Variants in ARIH2 observed in about 807,000 individuals in gnomAD.
The protein encoded by ARIH2 is E3 ubiquitin-protein ligase ARIH2.
Under a neutral mutation model 79.8 loss-of-function variants are expected in ARIH2, and 12 were observed. That is an observed-to-expected ratio of 0.15 (90% CI 0.10 to 0.24). The LOEUF (loss-of-function observed/expected upper bound fraction) is 0.24, where lower values mean the gene tolerates loss of function less well. Ranked by LOEUF, ARIH2 falls within the 10% of genes least tolerant of loss-of-function variation. ARIH2 has a pLI of 1.00. For synonymous variants in ARIH2, 224 were observed against 213.9 expected (o/e 1.05, Z -0.41); for missense variants, 301 against 618.3 (o/e 0.49, Z 5.44).
At chr3:48,981,006 G>A (rs1197527620) in intron 13 of ARIH2, among the ~76,000 whole-genome samples, 3 of 64,930 alleles carry the variant, frequency 4.6e-5, no homozygotes, top group East Asian at 6.2e-4. Context: ...GGGTGACAAA[G>A]CAAGACTGTC....
At chr3:48,946,783 C>A (rs1400290108) in intron 3 of ARIH2, among the ~76,000 whole-genome samples, 1 of 152,062 alleles carries the variant, frequency 6.6e-6, no homozygotes, top group East Asian at 1.9e-4. Context: ...AAAGTGGGAG[C>A]ATGGGCTGCG....
At chr3:48,949,952 A>G (rs887969067) in intron 3 of ARIH2, among the ~76,000 whole-genome samples, 2 of 151,026 alleles carry the variant, frequency 1.3e-5, no homozygotes, top group South Asian at 4.2e-4. Flanking sequence ...TTTTTAAAAA[A>G]TTTTTCTTTT....
intron 2 of ARIH2, among the ~76,000 whole-genome samples, chr3:48,923,080 G>A (rs1045136358): frequency 1.3e-4 from 20 of 151,448 alleles, no homozygotes; most frequent in African/African-American, 4.6e-4. Context: ...AGTGGCGGGC[G>A]CCTGTAGTCC....
intron 3 of ARIH2, among the ~76,000 whole-genome samples, chr3:48,948,837 A>G (rs2089574311): frequency 6.6e-6 from 1 of 152,218 alleles, no homozygotes; most frequent in Non-Finnish European, 1.5e-5. Context: ...TTCTCTTAGC[A>G]TAATGGTTGA....
At chr3:48,975,033 C>G in intron 11 of ARIH2, 54 bp downstream of exon 11, 1 of 1,614,066 alleles carries the variant, frequency 6.2e-7, no homozygotes, top group Non-Finnish European at 8.5e-7. Flanking sequence ...GTGGTTGGGT[C>G]TCCGTTACTA....
At chr3:48,959,871 GT>G (rs1222504204) in intron 3 of ARIH2, among the ~76,000 whole-genome samples, 1 of 152,152 alleles carries the variant, frequency 6.6e-6, no homozygotes, top group African/African-American at 2.4e-5. Context: ...ATGTGCCCTT[GT>G]TTAGTAGGTG....
At chr3:48,927,885 T>C in intron 3 of ARIH2, 72 bp downstream of exon 3, 1 of 1,557,626 alleles carries the variant, frequency 6.4e-7, no homozygotes. Flanking sequence ...TTAATTAATG[T>C]CTCCTCCAGA....
chr3:48,980,318 C>T (rs1383613691), intron 12 of ARIH2, 35 bp from the exon 13 acceptor site: 1 of 1,606,378 alleles, frequency 6.2e-7, no homozygotes, highest in East Asian at 2.2e-5. Context: ...CTTCATGGGA[C>T]TCCTGTGGTT....
Position 48,927,758 on chromosome 3 carries a change from A to G in ARIH2, c.200A>G (p.Lys67Arg), listed in dbSNP as rs762547621. The change falls in exon 3 of 16, where the codon AAG becomes AGG. Residue 67 changes from lysine to arginine, a missense_variant. Transcript: ENST00000356401. ...EEYQFTCLTYKESEGALNEHM... is the reference protein window; with the variant it reads ...EEYQFTCLTYRESEGALNEHM... ...TACCAGTTCACTTGCTTGACCTACA[A>G]GGAATCTGAGGGTGCCCTCAATGAG... 15 of 1,614,102 alleles carry G rather than the reference A, an allele frequency of 9.3e-6. No individual in the cohort carries two copies. In the South Asian group the frequency reaches 9.9e-5, roughly 11 times the overall value.
Position 48,983,219 on chromosome 3 carries a change from T to C in ARIH2, c.1431T>C (p.His477=). 4 of 1,614,196 alleles carry C rather than the reference T, an allele frequency of 2.5e-6. No homozygotes were observed. Among genetic ancestry groups the C allele is most frequent in the Non-Finnish European group, 3.4e-6 (4 of 1,180,044 alleles). ...YDRGDLENQM[H]IAEQRRRTLL... ...TGCAGGACTTGGAGAACCAGATGCATATAGCGGAGCAGCGGAGGAGAACCC... is the reference window on the plus strand; with the variant it reads ...TGCAGGACTTGGAGAACCAGATGCACATAGCGGAGCAGCGGAGGAGAACCC... The change falls in exon 16 of 16, where the codon CAT becomes CAC. Residue 477 remains histidine, a synonymous_variant. Coordinates refer to ENST00000356401, the MANE Select transcript of ARIH2 (RefSeq NM_006321.4).
intron 2 of ARIH2, among the ~76,000 whole-genome samples, 153 bp downstream of exon 2, chr3:48,922,964 T>A (rs961676567): frequency 1.3e-5 from 2 of 152,106 alleles, no homozygotes; most frequent in African/African-American, 4.8e-5. Context: ...TCCCAGCACT[T>A]TGGGAGGCTG....
At chr3:48,945,474 G>A (rs1440997558) in intron 3 of ARIH2, among the ~76,000 whole-genome samples, 1 of 152,054 alleles carries the variant, frequency 6.6e-6, no homozygotes, top group East Asian at 1.9e-4. Flanking sequence ...AGTGCTCTGG[G>A]GTGTCAAATA....
chr3:48,921,966 T>G (rs1324213953), intron 1 of ARIH2, among the ~76,000 whole-genome samples: 1 of 152,164 alleles, frequency 6.6e-6, no homozygotes, highest in Non-Finnish European at 1.5e-5. Flanking sequence ...AAGTGAGATC[T>G]GAAATATTAG....
At chr3:48,940,802 A>ATATATAT (rs1426820837) in intron 3 of ARIH2, among the ~76,000 whole-genome samples, 2 of 102,846 alleles carry the variant, frequency 1.9e-5, no homozygotes, top group African/African-American at 6.7e-5. Flanking sequence ...CTCAAAAAAA[A>ATATATAT]AAAAAAATAT....
At chr3:48,944,927 C>A in intron 3 of ARIH2, 1 of 378,818 alleles carries the variant, frequency 2.6e-6, no homozygotes, top group Non-Finnish European at 5.1e-6. Flanking sequence ...CCATTCTAGC[C>A]CAGGCCCAGA....
At chr3:48,950,610 G>A (rs2089822425) in intron 3 of ARIH2, among the ~76,000 whole-genome samples, 1 of 152,038 alleles carries the variant, frequency 6.6e-6, no homozygotes, top group South Asian at 2.1e-4. Context: ...GGTTTTGATT[G>A]TTGTGTTCAA....
chr3:48,972,412 G>T (rs2092286650), intron 8 of ARIH2, among the ~76,000 whole-genome samples: 1 of 139,690 alleles, frequency 7.2e-6, no homozygotes, highest in Non-Finnish European at 1.5e-5. Flanking sequence ...GGAGACTGAG[G>T]CGGGTGGATC....
At chr3:48,939,292 A>G (rs1039574316) in intron 3 of ARIH2, among the ~76,000 whole-genome samples, 3 of 152,042 alleles carry the variant, frequency 2.0e-5, no homozygotes, top group Non-Finnish European at 4.4e-5. Flanking sequence ...GATAAACTGC[A>G]GAGAAATAGG....
intron 5 of ARIH2, 102 bp downstream of exon 5, chr3:48,965,084 G>A: frequency 9.0e-7 from 1 of 1,107,900 alleles, no homozygotes; most frequent in Non-Finnish European, 1.3e-6. Context: ...TGGGTGCGGT[G>A]TGGCTCACGC....
Sources: allele counts gnomAD v4.1 joint callset (sites outside exome capture counted in the v4.1 genomes callset), GRCh38; gene constraint gnomAD v4.1.1; transcripts MANE v1.5; gene names NCBI Gene and HGNC (gene_info 2026-07-23, HGNC 2026-07-21).